Variants in PKHD1 observed in about 807,000 individuals in gnomAD.
PKHD1 encodes PKHD1 ciliary IPT domain containing fibrocystin/polyductin.
In PKHD1, 291 loss-of-function variants were observed where a neutral mutation model predicts 412.0. That is an observed-to-expected ratio of 0.71 (90% CI 0.64 to 0.78). The LOEUF (loss-of-function observed/expected upper bound fraction) is 0.78. Among genes scored for constraint, PKHD1 ranks in the 30% least tolerant of loss-of-function variants. The pLI is 0.00. For missense variants in PKHD1, 4,825 were observed against 4,950.7 expected (o/e 0.97, Z 0.76); for synonymous variants, 1,777 against 1,821.5 (o/e 0.98, Z 0.62).
In PKHD1 at chr6:52,052,276, C is replaced by A. The variant is rs546452726; in HGVS notation, c.2140+800G>T. On this transcript the variant is annotated intron_variant, in intron 21 of 66. Transcript: ENST00000371117. ...CTGAAGACACTGAGGGCAAACTGCA[C>A]CATTCTGCCTTGGCTGTGGGCGCAC... Among the ~76,000 whole-genome samples, 8 of 152,310 alleles carry A rather than the reference C, an allele frequency of 5.3e-5. No individual in the cohort carries two copies. In the South Asian group the frequency reaches 1.7e-3, roughly 32 times the overall value.
At chr6:51,717,080 C>T (rs1781358525) in intron 60 of PKHD1, among the ~76,000 whole-genome samples, 1 of 152,212 alleles carries the variant, frequency 6.6e-6, no homozygotes, top group Non-Finnish European at 1.5e-5. Flanking sequence ...GACTCTCTTC[C>T]TTGTCCTGAT....
rs530713031 is a variant in PKHD1, at chr6:52,017,092, C to T, written c.5600+318G>A. Among the ~76,000 whole-genome samples the T allele has an allele frequency of 1.6e-4, 25 of 152,238 alleles. 1 individual carries two copies. The highest frequency in any genetic ancestry group is 2.9e-4 in the African/African-American group (12 of 41,538). ...GGAAAAAGCCTTCTGTTTTTCATAA[C>T]GTCTAATCTTTTTCCCCATTGGCAT... On this transcript the variant is annotated intron_variant, in intron 34 of 66. Coordinates refer to ENST00000371117, the MANE Select transcript of PKHD1 (RefSeq NM_138694.4).
At chr6:51,665,793 G>C (rs1423966025) in intron 60 of PKHD1, among the ~76,000 whole-genome samples, 1 of 152,328 alleles carries the variant, frequency 6.6e-6, no homozygotes, top group East Asian at 1.9e-4. Context: ...ATGTTGGAGG[G>C]AGTGGATGAC....
intron 53 of PKHD1, among the ~76,000 whole-genome samples, chr6:51,782,642 GT>G (rs1014235199): frequency 6.6e-6 from 1 of 152,112 alleles, no homozygotes; most frequent in African/African-American, 2.4e-5. Context: ...TATTTTGCAG[GT>G]ATCTATGTAC....
chr6:51,660,149 T>C (rs1394451530), intron 60 of PKHD1, among the ~76,000 whole-genome samples, 180 bp from the exon 61 acceptor site: 1 of 152,064 alleles, frequency 6.6e-6, no homozygotes, highest in Non-Finnish European at 1.5e-5. Context: ...AATTAAATAA[T>C]AGTTCTTTAA....
At chr6:51,914,826 CG>C (rs1561867008) in intron 37 of PKHD1, among the ~76,000 whole-genome samples, 1 of 152,058 alleles carries the variant, frequency 6.6e-6, no homozygotes, top group African/African-American at 2.4e-5. Context: ...TTGTCAATTT[CG>C]TCCTTTCCGC....
At chr6:51,768,521 T>G (rs1789517129) in intron 55 of PKHD1, among the ~76,000 whole-genome samples, 1 of 152,026 alleles carries the variant, frequency 6.6e-6, no homozygotes, top group Non-Finnish European at 1.5e-5. Flanking sequence ...AAAAGTTTAC[T>G]ACTTGTATAT....
chr6:52,057,948 C>T (rs189243030), intron 16 of PKHD1, among the ~76,000 whole-genome samples: 83 of 152,286 alleles, frequency 5.5e-4, no homozygotes, highest in Middle Eastern at 3.4e-3. Context: ...TTAGAAAACA[C>T]AGGCTATAGG....
intron 55 of PKHD1, among the ~76,000 whole-genome samples, chr6:51,763,090 T>A (rs1788319279): frequency 6.6e-6 from 1 of 152,114 alleles, no homozygotes. Context: ...AACTTTGTTT[T>A]TAATATTTGT....
intron 60 of PKHD1, among the ~76,000 whole-genome samples, chr6:51,690,964 G>GA (rs780784117): frequency 2.0e-5 from 3 of 150,446 alleles, no homozygotes; most frequent in East Asian, 2.0e-4. Flanking sequence ...ACATTTACAA[G>GA]AAAAAAAATC....
At chr6:51,985,143 T>C (rs1263111089) in intron 35 of PKHD1, among the ~76,000 whole-genome samples, 1 of 152,198 alleles carries the variant, frequency 6.6e-6, no homozygotes, top group African/African-American at 2.4e-5. Flanking sequence ...GCATGATCTG[T>C]GAAAAAAATT....
At chr6:51,664,915 T>C (rs1185023111) in intron 60 of PKHD1, among the ~76,000 whole-genome samples, 1 of 152,140 alleles carries the variant, frequency 6.6e-6, no homozygotes, top group Non-Finnish European at 1.5e-5. Flanking sequence ...AAGTTAATAA[T>C]TAGTATCTTC....
intron 2 of PKHD1, among the ~76,000 whole-genome samples, chr6:52,083,510 A>T (rs1440429285): frequency 6.6e-6 from 1 of 152,152 alleles, no homozygotes; most frequent in Non-Finnish European, 1.5e-5. Flanking sequence ...AATTTTGACA[A>T]ATTCTTCTTA....
At chr6:52,024,379 T>C (rs539352065) in intron 32 of PKHD1, among the ~76,000 whole-genome samples, 195 bp downstream of exon 32, 2 of 152,198 alleles carry the variant, frequency 1.3e-5, no homozygotes, top group South Asian at 2.1e-4. Context: ...GTTTCCTTGA[T>C]AAAAATAAAA....
chr6:51,903,424 TC>T (rs1462684976), intron 43 of PKHD1, among the ~76,000 whole-genome samples, 172 bp downstream of exon 43: 1 of 152,174 alleles, frequency 6.6e-6, no homozygotes. Context: ...CAATTTTTTT[TC>T]AGCTCATCAG....
In PKHD1 at chr6:52,085,037, G is replaced by T; in HGVS notation, c.-84-20C>A. 1 of 825,388 alleles carries T rather than the reference G, an allele frequency of 1.2e-6. No individual in the cohort carries two copies. Among genetic ancestry groups the T allele is most frequent in the Non-Finnish European group, 2.1e-6 (1 of 474,666 alleles). 51.1% of individuals were successfully genotyped at this position (825,388 alleles called of 1,614,324 possible). On this transcript the variant is annotated intron_variant, in intron 1 of 66. Transcript: ENST00000371117. ...TTTGTGCTTTATAAAAACAAAAAAAGCAAAAAAAAATTATCATTTTGTTTA... is the reference window on the plus strand; with the variant it reads ...TTTGTGCTTTATAAAAACAAAAAAATCAAAAAAAAATTATCATTTTGTTTA...
chr6:52,028,075 T>C, intron 30 of PKHD1, 81 bp downstream of exon 30: 1 of 1,410,048 alleles, frequency 7.1e-7, no homozygotes, highest in Non-Finnish European at 1.0e-6. Context: ...AAAAAGAAAA[T>C]ACCTAACTCA....
At chr6:52,048,673 G>A (rs1283578652) in intron 22 of PKHD1, 54 bp from the exon 23 acceptor site, 2 of 1,609,056 alleles carry the variant, frequency 1.2e-6, no homozygotes, top group South Asian at 1.1e-5. Context: ...GTGCACCTAG[G>A]AGGACCTTGT....
chr6:51,751,358 T>C (rs990882308), intron 57 of PKHD1, among the ~76,000 whole-genome samples: 5 of 152,184 alleles, frequency 3.3e-5, no homozygotes, highest in Admixed American at 1.3e-4. Flanking sequence ...GCATTCTTAA[T>C]GCAGGGTATA....
Sources: gnomAD v4.1 joint callset for allele counts (sites outside exome capture counted in the v4.1 genomes callset) on GRCh38, gnomAD v4.1.1 for gene constraint, MANE v1.5 for transcripts, NCBI Gene and HGNC (gene_info 2026-07-23, HGNC 2026-07-21) for gene names.